The following MON2 variants were observed in gnomAD, a reference collection of about 807,000 sequenced individuals.
MON2 encodes the protein protein MON2 homolog.
Under a neutral mutation model 208.6 loss-of-function variants are expected in MON2, and 84 were observed. The observed-to-expected ratio is 0.40, with a 90% CI of 0.34 to 0.48. The LOEUF (loss-of-function observed/expected upper bound fraction) is 0.48, where lower values mean the gene tolerates loss of function less well. MON2 is among the 20% of genes least tolerant of loss of function. The probability of loss-of-function intolerance (pLI) is 0.59; values close to 1 mark genes in which losing one functional copy is unlikely to be tolerated. For missense variants in MON2, 1,611 were observed against 2,015.4 expected (o/e 0.80, Z 3.84); for synonymous variants, 660 against 694.0 (o/e 0.95, Z 0.77).
intron 7 of MON2, among the ~76,000 whole-genome samples, chr12:62,502,055 A>G (rs2070861390): frequency 6.6e-6 from 1 of 152,090 alleles, no homozygotes; most frequent in Non-Finnish European, 1.5e-5. Flanking sequence ...CCCTGTCTCT[A>G]CTAAAAATAC....
chr12:62,501,810 A>T (rs1284773395), intron 7 of MON2, 112 bp downstream of exon 7: 6 of 1,191,008 alleles, frequency 5.0e-6, no homozygotes, highest in Non-Finnish European at 7.2e-6. Flanking sequence ...AAGAGGCCAG[A>T]GTTGGTGGTT....
At chr12:62,474,119 CT>C (rs778065734) in intron 1 of MON2, among the ~76,000 whole-genome samples, 1,708 of 141,772 alleles carry the variant, frequency 0.012, 20 homozygotes, top group Non-Finnish European at 0.021. Context: ...CTTTTCTTTT[CT>C]TTTTTTTTTT....
At chr12:62,491,004 C>G (rs1046428884) in intron 2 of MON2, among the ~76,000 whole-genome samples, 1 of 151,976 alleles carries the variant, frequency 6.6e-6, no homozygotes, top group Admixed American at 6.6e-5. Flanking sequence ...TTGATGGCAT[C>G]TTAGAATCAT....
At chr12:62,495,175 A>G in intron 4 of MON2, 28 bp downstream of exon 4, 8 of 1,578,394 alleles carry the variant, frequency 5.1e-6, no homozygotes, top group Non-Finnish European at 6.9e-6. Flanking sequence ...CAGAGTTCAT[A>G]TGTGCTTTGA....
chr12:62,470,980 A>C (rs1026479863), intron 1 of MON2, among the ~76,000 whole-genome samples: 6 of 152,042 alleles, frequency 3.9e-5, no homozygotes, highest in African/African-American at 1.2e-4. Context: ...AGTAGTGGAC[A>C]TAGACAGAAG....
In MON2 at chr12:62,526,040, A is replaced by G. The variant is rs1273521237; in HGVS notation, c.1338A>G (p.Glu446=). The G allele has an allele frequency of 1.9e-6, 3 of 1,613,824 alleles. No individual in the cohort carries two copies. Among genetic ancestry groups the G allele is most frequent in the African/African-American group, 1.3e-5 (1 of 74,894 alleles). The part of the protein sequence containing the change: ...GGGVTLLPAF[E]YRGTWIPILT... The stretch of plus-strand genomic sequence containing the variant: ...GTGTTACTTTGCTACCAGCATTTGA[A>G]TATAGGGGAACCTGGATACCTATTC... Residue 446 remains glutamate (E), a synonymous_variant, in exon 11 of 35, where the codon GAA becomes GAG. Transcript: ENST00000393630.
At position 62,534,849 on chromosome 12, in the gene MON2, T is replaced by C; in HGVS notation, c.1638T>C (p.Ser546=). 6.2e-7 allele frequency: 1 copy of C among 1,609,548 alleles called. No individual in the cohort carries two copies. Among genetic ancestry groups the C allele is most frequent in the Non-Finnish European group, 8.5e-7 (1 of 1,176,466 alleles). Residue 546 remains serine (S), a synonymous_variant, in exon 13 of 35, where the codon AGT becomes AGC. Transcript: ENST00000393630. ...TSDQMDKEIV[S]RAVWEEMVNA... ...TGTATGTTTTTTTCCTTTAAGTTAGTAGGGCTGTTTGGGAAGAAATGGTGA... is the reference window on the plus strand; with the variant it reads ...TGTATGTTTTTTTCCTTTAAGTTAGCAGGGCTGTTTGGGAAGAAATGGTGA...
chr12:62,530,870 G>C (rs1191511317), intron 11 of MON2, among the ~76,000 whole-genome samples: 2 of 152,158 alleles, frequency 1.3e-5, no homozygotes, highest in African/African-American at 4.8e-5. Flanking sequence ...TGTGAGGAGG[G>C]TTCAGATATC....
intron 34 of MON2, chr12:62,588,798 A>T (rs2075301760): frequency 9.6e-7 from 1 of 1,038,944 alleles, no homozygotes; most frequent in Admixed American, 2.4e-5. Context: ...CTCTGCACTA[A>T]ACTAAAATTC....
At chr12:62,557,482 A>G (rs904982132) in intron 25 of MON2, among the ~76,000 whole-genome samples, 4 of 152,230 alleles carry the variant, frequency 2.6e-5, no homozygotes, top group African/African-American at 9.6e-5. Flanking sequence ...TCAATGGACT[A>G]AGACTGAGAA....
intron 23 of MON2, among the ~76,000 whole-genome samples, chr12:62,550,978 G>A (rs1031849859): frequency 7.1e-6 from 1 of 141,560 alleles, no homozygotes; most frequent in African/African-American, 2.6e-5. Flanking sequence ...GAAGTGCAGT[G>A]GCATGATCTT....
intron 1 of MON2, among the ~76,000 whole-genome samples, chr12:62,468,324 C>A (rs909744077): frequency 7.2e-5 from 11 of 152,162 alleles, no homozygotes; most frequent in African/African-American, 2.7e-4. Flanking sequence ...GCGTGAGCCA[C>A]AGCGCCCGGC....
intron 32 of MON2, among the ~76,000 whole-genome samples, chr12:62,582,391 G>A (rs944290169): frequency 4.6e-5 from 7 of 152,150 alleles, no homozygotes; most frequent in East Asian, 1.9e-4. Context: ...GAAGCTTCAC[G>A]TGAGAGTCCT....
chr12:62,493,878 AT>A, intron 2 of MON2, 36 bp from the exon 3 acceptor site: 1 of 1,367,374 alleles, frequency 7.3e-7, no homozygotes, highest in South Asian at 1.6e-5. Context: ...TTATAGATTA[AT>A]TTTAATAATT....
chr12:62,495,359 G>A (rs973285994), intron 4 of MON2, among the ~76,000 whole-genome samples: 5 of 152,016 alleles, frequency 3.3e-5, no homozygotes, highest in Non-Finnish European at 5.9e-5. Flanking sequence ...AGCCCCTTGG[G>A]TACAGCCAAC....
At position 62,470,807 on chromosome 12, in the gene MON2, T is replaced by C. The variant is rs543416779; in HGVS notation, c.111+3489T>C. ...AGTATTCCATGTAAAATAAATTTTATACTGAAGATGATTGGAGCCATTAGA... is the reference window on the plus strand; with the variant it reads ...AGTATTCCATGTAAAATAAATTTTACACTGAAGATGATTGGAGCCATTAGA... On this transcript the variant is annotated intron_variant, in intron 1 of 34. Coordinates refer to ENST00000393630, the MANE Select transcript of MON2 (RefSeq NM_015026.3). 2.1e-5 allele frequency: 20 copies of C among 946,656 alleles called. No individual in the cohort carries two copies. In the South Asian group the frequency reaches 5.4e-4, roughly 26 times the overall value. The allele number at this position is 946,656 out of a possible 1,614,324, so 58.6% of individuals were successfully genotyped here.
chr12:62,555,842 C>A (rs2136321695), intron 24 of MON2, 152 bp from the exon 25 acceptor site: 8 of 503,036 alleles, frequency 1.6e-5, no homozygotes, highest in East Asian at 3.6e-5. Flanking sequence ...TATAATTACT[C>A]TATTGGTCAG....
intron 22 of MON2, among the ~76,000 whole-genome samples, chr12:62,547,859 T>C (rs572682486): frequency 6.6e-6 from 1 of 152,294 alleles, no homozygotes; most frequent in South Asian, 2.1e-4. Flanking sequence ...ATATACCATA[T>C]AGCCCCGGTG....
intron 26 of MON2, chr12:62,565,019 T>A (rs1198747426): frequency 2.3e-6 from 1 of 427,950 alleles, no homozygotes; most frequent in Non-Finnish European, 4.1e-6. Context: ...TAAATCACAC[T>A]GTAAAAAAGA....
Sources: allele counts gnomAD v4.1 joint callset (sites outside exome capture counted in the v4.1 genomes callset), GRCh38; gene constraint gnomAD v4.1.1; transcripts MANE v1.5; gene names NCBI Gene and HGNC (gene_info 2026-07-23, HGNC 2026-07-21).